Variants in SYNE1 observed in about 807,000 individuals in gnomAD.
SYNE1 encodes nesprin-1.
Under a neutral mutation model 1,111.0 loss-of-function variants are expected in SYNE1, and 616 were observed. The ratio of observed to expected loss-of-function variants is 0.55; its 90% CI spans 0.52 to 0.59. The LOEUF is 0.59. Ranked by LOEUF, SYNE1 falls within the 20% of genes least tolerant of loss-of-function variation. The pLI is 0.00. For synonymous variants in SYNE1, 3,855 were observed against 3,825.8 expected, an observed-to-expected ratio of 1.01 and a Z score of -0.28; for missense variants, 10,006 against 10,417.0, an observed-to-expected ratio of 0.96 and a Z score of 1.72.
chr6:152,225,504 T>C (rs2081377143), intron 116 of SYNE1, among the ~76,000 whole-genome samples: 1 of 151,412 alleles, frequency 6.6e-6, no homozygotes, highest in African/African-American at 2.4e-5. Flanking sequence ...GATGAGATCA[T>C]TAAGAGAGTA....
chr6:152,535,774 T>G (rs1014856837), intron 4 of SYNE1, among the ~76,000 whole-genome samples: 1 of 152,210 alleles, frequency 6.6e-6, no homozygotes, highest in Non-Finnish European at 1.5e-5. Context: ...TTTTAAAGAT[T>G]GTTCCCTTTG....
chr6:152,438,467 C>T lies in SYNE1; in HGVS notation c.4150-2366G>A, dbSNP rs150120349. ...ATAAAAAAACAAAATTAAACAAAAACAGAATAACATTGTAAGGCCTTATCT... is the reference window on the plus strand; with the variant it reads ...ATAAAAAAACAAAATTAAACAAAAATAGAATAACATTGTAAGGCCTTATCT... On this transcript the variant is annotated intron_variant, in intron 32 of 145. Coordinates refer to ENST00000367255, the MANE Select transcript of SYNE1 (RefSeq NM_182961.4). Among the ~76,000 whole-genome samples, 81 of 152,108 alleles carry T rather than the reference C, an allele frequency of 5.3e-4. No individual in the cohort carries two copies. In the East Asian group the frequency reaches 0.015, roughly 28 times the overall value.
chr6:152,333,899 C>T, intron 77 of SYNE1, 109 bp downstream of exon 77: 1 of 1,474,674 alleles, frequency 6.8e-7, no homozygotes, highest in Non-Finnish European at 9.4e-7. Flanking sequence ...TCCTAAAGTG[C>T]TGGGATTACA....
At chr6:152,590,950 G>A (rs1179863903) in intron 3 of SYNE1, among the ~76,000 whole-genome samples, 4 of 152,158 alleles carry the variant, frequency 2.6e-5, no homozygotes, top group Non-Finnish European at 4.4e-5. Flanking sequence ...GACAAGAATA[G>A]CATTGAATCT....
rs781506408 is a variant in SYNE1 at position 152,122,482 on chromosome 6, G to A, written c.26348C>T (p.Ser8783Leu). 6 of 1,614,198 alleles carry A rather than the reference G, an allele frequency of 3.7e-6. No homozygotes were observed. The highest frequency in any genetic ancestry group is 4.2e-6 in the Non-Finnish European group (5 of 1,180,042). Residue 8783 changes from serine to leucine, a missense_variant, in exon 146 of 146, where the codon TCA (serine) becomes TTA (leucine). Transcript: ENST00000367255. ...SCALSNNFAR[S>L]FHPMLRYTNG... is the part of the protein sequence containing the mutation. ...CGTGTATCTGAGCATGGGGTGGAAT[G>A]ACCGGGCAAAGTTGTTGGAGAGGGC...
chr6:152,393,686 C>G (rs2154137728), intron 51 of SYNE1, among the ~76,000 whole-genome samples: 1 of 152,116 alleles, frequency 6.6e-6, no homozygotes, highest in East Asian at 1.9e-4. Flanking sequence ...ACTAGCATAC[C>G]AACAAGTAGT....
At chr6:152,609,739 T>A (rs187093485) in intron 3 of SYNE1, among the ~76,000 whole-genome samples, 36 of 152,236 alleles carry the variant, frequency 2.4e-4, no homozygotes, top group African/African-American at 8.2e-4. Context: ...AGACACCTCA[T>A]ATAGGCAGGT....
Position 152,444,578 on chromosome 6 carries a change from C to T in SYNE1, c.3670G>A (p.Val1224Ile), listed in dbSNP as rs538467897. 3 of 1,607,702 alleles carry T rather than the reference C, an allele frequency of 1.9e-6. No homozygotes were observed. In the South Asian group the frequency reaches 3.4e-5, roughly 18 times the overall value. Residue 1224 changes from valine to isoleucine, a missense_variant and splice_region_variant, in exon 30 of 146, where the codon GTT becomes ATT. By Grantham distance (29) the Val-to-Ile change is conservative (BLOSUM62 3). Coordinates refer to ENST00000367255, the MANE Select transcript of SYNE1 (RefSeq NM_182961.4). ...CCAAAATTGCTTAGCATCTTTTCAA[C>T]CTATATTTTCATGAAAAAAAAAAAC... ...FKALVTLLSE[V>I]EKMLSNFGDC...
At chr6:152,339,448 T>G in intron 74 of SYNE1, 82 bp from the exon 75 acceptor site, 4 of 1,570,214 alleles carry the variant, frequency 2.5e-6, no homozygotes, top group Non-Finnish European at 3.5e-6. Context: ...AATATTCTGT[T>G]GACATTTCAA....
chr6:152,321,419 C>T, intron 83 of SYNE1, 29 bp from the exon 84 acceptor site: 1 of 1,611,912 alleles, frequency 6.2e-7, no homozygotes, highest in Non-Finnish European at 8.5e-7. Context: ...TAAGAAATTT[C>T]TGGGAACCTT....
chr6:152,623,728 A>G (rs868808228), intron 3 of SYNE1, among the ~76,000 whole-genome samples: 1 of 152,178 alleles, frequency 6.6e-6, no homozygotes, highest in Non-Finnish European at 1.5e-5. Flanking sequence ...ACTTTGCAAA[A>G]GAAGAAGATA....
chr6:152,145,633 TA>T, intron 137 of SYNE1: 1 of 1,357,122 alleles, frequency 7.4e-7, no homozygotes, highest in Non-Finnish European at 1.1e-6. Context: ...ATAACTTTCC[TA>T]GGGGAAAAAA....
chr6:152,496,733 T>C (rs1006887311), intron 11 of SYNE1, among the ~76,000 whole-genome samples: 7 of 152,194 alleles, frequency 4.6e-5, no homozygotes, highest in Admixed American at 4.6e-4. Context: ...TTTTTCTTAT[T>C]AATATAAGAA....
chr6:152,177,075 T>A (rs1395952764), intron 129 of SYNE1, among the ~76,000 whole-genome samples: 1 of 152,200 alleles, frequency 6.6e-6, no homozygotes, highest in Non-Finnish European at 1.5e-5. Context: ...AGTTCCTTCA[T>A]TTTAAAGAGA....
intron 6 of SYNE1, among the ~76,000 whole-genome samples, chr6:152,513,127 A>G (rs1159773457): frequency 2.6e-5 from 4 of 152,194 alleles, no homozygotes; most frequent in African/African-American, 9.6e-5. Flanking sequence ...TCTGATGCAC[A>G]TTAGTGCTTG....
At chr6:152,579,545 G>A (rs1340594311) in intron 3 of SYNE1, among the ~76,000 whole-genome samples, 1 of 152,058 alleles carries the variant, frequency 6.6e-6, no homozygotes, top group African/African-American at 2.4e-5. Flanking sequence ...AGGTTCAGGG[G>A]GTGCATGTAC....
chr6:152,343,033 A>T (rs1351026879), intron 74 of SYNE1, among the ~76,000 whole-genome samples: 3 of 152,090 alleles, frequency 2.0e-5, no homozygotes, highest in African/African-American at 7.2e-5. Flanking sequence ...GTCACTTTTG[A>T]TAGTAGGAAA....
At chr6:152,398,058 C>G (rs1179100593) in intron 49 of SYNE1, among the ~76,000 whole-genome samples, 1 of 151,964 alleles carries the variant, frequency 6.6e-6, no homozygotes, top group African/African-American at 2.4e-5. Context: ...GTGCTTTACT[C>G]GGATTAGCTG....
chr6:152,462,810 T>A lies in SYNE1; in HGVS notation c.2178A>T (p.Glu726Asp). 1 of 1,614,060 alleles carries A rather than the reference T, an allele frequency of 6.2e-7. No homozygotes were observed. Residue 726 changes from glutamate to aspartate, a missense_variant, in exon 20 of 146, where the codon GAA becomes GAT. This residue lies in a region of SYNE1 where 1,971 missense variants were observed against 2,084.1 expected (regional missense o/e 0.95). Coordinates refer to ENST00000367255, the MANE Select transcript of SYNE1 (RefSeq NM_182961.4). ...AGGGTTCAGAAAGTTTCTTATGGGC[T>A]TCCGTTGCAAAAGCAGACAGGGTAA... is the stretch of plus-strand genomic sequence containing the variant. The part of the protein sequence containing the change: ...CVVTLSAFAT[E>D]AHKKLSEPLE...
Sources: gnomAD v4.1 joint callset for allele counts (sites outside exome capture counted in the v4.1 genomes callset) on GRCh38, gnomAD v4.1.1 for gene constraint, gnomAD v4.1.1 regional missense constraint, MANE v1.5 for transcripts, NCBI Gene and HGNC (gene_info 2026-07-23, HGNC 2026-07-21) for gene names.